Variants in ITFG1 observed in about 807,000 individuals in gnomAD.
The protein encoded by ITFG1 is integrin alpha FG-GAP repeat containing 1, also known as T-cell immunomodulatory protein.
ITFG1 carries 34 observed loss-of-function variants against 81.8 expected under a neutral mutation model. That is an observed-to-expected ratio of 0.42 (90% CI 0.32 to 0.55). The LOEUF is 0.55. Ranked by LOEUF, ITFG1 falls within the 20% of genes least tolerant of loss-of-function variation. ITFG1 has a pLI of 0.17. For missense variants in ITFG1, 672 were observed against 755.4 expected (o/e 0.89, Z 1.29); for synonymous variants, 285 against 270.6 (o/e 1.05, Z -0.52).
chr16:47,445,724 G>A (rs1350130241), intron 5 of ITFG1, among the ~76,000 whole-genome samples: 3 of 152,080 alleles, frequency 2.0e-5, no homozygotes, highest in Non-Finnish European at 4.4e-5. Flanking sequence ...TTCCAGGATT[G>A]GATCTTAAGA....
intron 8 of ITFG1, among the ~76,000 whole-genome samples, chr16:47,348,062 C>T (rs945862908): frequency 6.6e-6 from 1 of 152,138 alleles, no homozygotes; most frequent in Admixed American, 6.5e-5. Context: ...CCCATCCGTA[C>T]GTCACCATCA....
rs1847844 is a variant in ITFG1, at chr16:47,266,497, C to T, written c.1071-5802G>A. Among the ~76,000 whole-genome samples, 1,257 of 152,272 alleles carry T rather than the reference C, an allele frequency of 8.3e-3. 12 individuals carry two copies. The highest frequency in any genetic ancestry group is 0.01 in the Non-Finnish European group (711 of 68,018). The stretch of plus-strand genomic sequence containing the variant: ...CCTCCCAAAGAACTGGAATTACAGG[C>T]GTGAGCCACTGCACCCAGCCAGACA... On this transcript the variant is annotated intron_variant, in intron 10 of 17. Coordinates refer to ENST00000320640, the MANE Select transcript of ITFG1 (RefSeq NM_030790.5).
At chr16:47,379,913 C>G (rs1274378593) in intron 6 of ITFG1, among the ~76,000 whole-genome samples, 1 of 151,940 alleles carries the variant, frequency 6.6e-6, no homozygotes, top group Non-Finnish European at 1.5e-5. Flanking sequence ...GAGGCAAACA[C>G]TAATGCTAAG....
At chr16:47,188,390 T>G (rs1965251210) in intron 14 of ITFG1, among the ~76,000 whole-genome samples, 1 of 151,064 alleles carries the variant, frequency 6.6e-6, no homozygotes, top group Non-Finnish European at 1.5e-5. Flanking sequence ...TAGACTGGAT[T>G]AAGAAAATGT....
In ITFG1 at chr16:47,429,506, T is replaced by C. The variant is rs566963253; in HGVS notation, c.561-608A>G. Among the ~76,000 whole-genome samples the C allele has an allele frequency of 2.6e-5, 4 of 152,336 alleles. No individual in the cohort carries two copies. The South Asian group carries it at 8.3e-4, about 32-fold the overall frequency. On this transcript the variant is annotated intron_variant, in intron 5 of 17. Coordinates refer to ENST00000320640, the MANE Select transcript of ITFG1 (RefSeq NM_030790.5). ...ATATATGTTTAACTTTTTGAGGAAT[T>C]GTTGAACTGTTTTCCACTTCACCAT...
intron 8 of ITFG1, among the ~76,000 whole-genome samples, chr16:47,348,568 C>T (rs899374238): frequency 6.6e-6 from 1 of 152,056 alleles, no homozygotes; most frequent in Non-Finnish European, 1.5e-5. Context: ...TGTGAAAAGA[C>T]CAAATCTACG....
At chr16:47,219,203 G>C (rs1965662101) in intron 13 of ITFG1, among the ~76,000 whole-genome samples, 1 of 152,090 alleles carries the variant, frequency 6.6e-6, no homozygotes, top group Non-Finnish European at 1.5e-5. Flanking sequence ...CAATTATTCA[G>C]TTCGTTATTT....
At chr16:47,354,592 A>G (rs1371123334) in intron 8 of ITFG1, among the ~76,000 whole-genome samples, 2 of 152,180 alleles carry the variant, frequency 1.3e-5, no homozygotes, top group Non-Finnish European at 2.9e-5. Context: ...ACATCAAAGG[A>G]AACAAGTAAG....
At chr16:47,311,884 C>T (rs1967270002) in intron 9 of ITFG1, 1 of 152,548 alleles carries the variant, frequency 6.6e-6, no homozygotes, top group African/African-American at 2.4e-5. Context: ...TGCTGTGTCT[C>T]TTACACATGC....
chr16:47,154,914 A>T lies in ITFG1; in HGVS notation c.*805T>A, dbSNP rs1040595266. The T allele has an allele frequency of 6.6e-6, 1 of 152,240 alleles. No individual in the cohort carries two copies. Among genetic ancestry groups the T allele is most frequent in the African/African-American group, 2.4e-5 (1 of 41,466 alleles). The allele number at this position is 152,240 out of a possible 1,614,324, so 9.4% of individuals were successfully genotyped here. A position where few individuals can be genotyped will look rare whatever the true frequency, so the allele number is the denominator to read the frequency against. On this transcript the variant is annotated 3_prime_UTR_variant, in exon 18 of 18. Coordinates refer to ENST00000320640, the MANE Select transcript of ITFG1 (RefSeq NM_030790.5). ...TAGCTTTTCCAAAGAATATTTCTTCATGCCTGAAAATAAAATTCTATCAAG... is the reference window on the plus strand; with the variant it reads ...TAGCTTTTCCAAAGAATATTTCTTCTTGCCTGAAAATAAAATTCTATCAAG...
rs182379759 is a variant in ITFG1, at chr16:47,301,631, A to G, written c.1070+9609T>C. Among the ~76,000 whole-genome samples the G allele has an allele frequency of 3.7e-3, 561 of 152,228 alleles. 5 individuals are homozygous for G. The highest frequency in any genetic ancestry group is 0.013 in the African/African-American group (530 of 41,556). On this transcript the variant is annotated intron_variant, in intron 10 of 17. Coordinates refer to ENST00000320640, the MANE Select transcript of ITFG1 (RefSeq NM_030790.5). Reference sequence around the variant, plus strand: ...GGCTGGTCTTGAACTCCTGACCTCAAGTGATCCGTCCACCTCAGCCTCCCA... The same window carrying G: ...GGCTGGTCTTGAACTCCTGACCTCAGGTGATCCGTCCACCTCAGCCTCCCA...
In ITFG1 at chr16:47,452,734, C is replaced by T; in HGVS notation, c.484G>A (p.Asp162Asn). ...CAAAGGAAGCAAGCCCATACTTACT[C>T]CATAATTAGTGGCTCATCTTGAAAA... is the stretch of plus-strand genomic sequence containing the variant. ...RTFQDEPLIMDFNGDLIPDIF... is the reference protein window; with the variant it reads ...RTFQDEPLIMNFNGDLIPDIF... The change falls in exon 4 of 18, where the codon GAT becomes AAT. Residue 162 changes from aspartate (D) to asparagine (N), a missense_variant and splice_region_variant. Physicochemically the swap from Asp to Asn is conservative, Grantham distance 23. Coordinates refer to ENST00000320640, the MANE Select transcript of ITFG1 (RefSeq NM_030790.5). The T allele has an allele frequency of 6.3e-7, 1 of 1,583,222 alleles. No homozygotes were observed. The highest frequency in any genetic ancestry group is 8.6e-7 in the Non-Finnish European group (1 of 1,160,500).
intron 8 of ITFG1, among the ~76,000 whole-genome samples, chr16:47,334,819 T>C (rs192451985): frequency 6.6e-6 from 1 of 152,322 alleles, no homozygotes; most frequent in East Asian, 1.9e-4. Context: ...AATATTCTTA[T>C]AGTGTTCTGA....
chr16:47,259,066 G>A (rs1187533212), intron 11 of ITFG1, among the ~76,000 whole-genome samples: 2 of 152,146 alleles, frequency 1.3e-5, no homozygotes, highest in Non-Finnish European at 2.9e-5. Context: ...ACCATCAGGG[G>A]GAGTACCTTT....
At chr16:47,405,788 A>G (rs1968720669) in intron 6 of ITFG1, among the ~76,000 whole-genome samples, 1 of 152,168 alleles carries the variant, frequency 6.6e-6, no homozygotes, top group Non-Finnish European at 1.5e-5. Flanking sequence ...ACTGTATTTC[A>G]GATAAAGACT....
chr16:47,170,432 CTTT>C (rs370502887), intron 14 of ITFG1, among the ~76,000 whole-genome samples: 2 of 142,946 alleles, frequency 1.4e-5, no homozygotes, highest in Non-Finnish European at 3.1e-5. Context: ...CTAGGGAACA[CTTT>C]TTTTTTTTTT....
chr16:47,437,328 C>T (rs1329357297), intron 5 of ITFG1, among the ~76,000 whole-genome samples: 2 of 151,986 alleles, frequency 1.3e-5, no homozygotes, highest in African/African-American at 2.4e-5. Flanking sequence ...GTTAGTCAGG[C>T]ATGGTGGCAT....
chr16:47,214,205 AT>A (rs775225702), intron 14 of ITFG1, among the ~76,000 whole-genome samples: 12 of 152,144 alleles, frequency 7.9e-5, no homozygotes, highest in Non-Finnish European at 1.6e-4. Flanking sequence ...TAGAAGACAT[AT>A]TTTTTCCCCT....
At chr16:47,409,814 ATT>A (rs1968787779) in intron 6 of ITFG1, among the ~76,000 whole-genome samples, 1 of 152,094 alleles carries the variant, frequency 6.6e-6, no homozygotes, top group Non-Finnish European at 1.5e-5. Context: ...GAAAAGATGA[ATT>A]TGATTAGTAA....
Sources: gnomAD v4.1 joint callset for allele counts (sites outside exome capture counted in the v4.1 genomes callset) on GRCh38, gnomAD v4.1.1 for gene constraint, MANE v1.5 for transcripts, NCBI Gene and HGNC (gene_info 2026-07-23, HGNC 2026-07-21) for gene names.